ORC1: variants seen among roughly 807,000 people sequenced by gnomAD.
The protein encoded by ORC1 is origin recognition complex, subunit 1 homolog.
A neutral mutation model predicts 98.9 loss-of-function variants in ORC1; 61 were observed. The observed-to-expected ratio is 0.62, with a 90% confidence interval of 0.50 to 0.76. The LOEUF is 0.76. Ranked by LOEUF, ORC1 falls within the 30% of genes least tolerant of loss-of-function variation. The pLI is 0.00. For missense variants in ORC1, 979 were observed against 1,072.2 expected, an observed-to-expected ratio of 0.91 and a Z score of 1.21; for synonymous variants, 385 against 406.9, an observed-to-expected ratio of 0.95 and a Z score of 0.65.
At chr1:52,392,752 T>G (rs1289497457) in intron 6 of ORC1, among the ~76,000 whole-genome samples, 1 of 152,218 alleles carries the variant, frequency 6.6e-6, no homozygotes, top group Non-Finnish European at 1.5e-5. Flanking sequence ...ATAATGGCAC[T>G]TCCAGCAACT....
At chr1:52,406,842 GATTA>G (rs780345601), upstream of ORC1, among the ~76,000 whole-genome samples, 9 of 152,276 alleles carry the variant, frequency 5.9e-5, no homozygotes, top group East Asian at 1.2e-3. Flanking sequence ...GAGGCACAGA[GATTA>G]ATTAATTTTG....
upstream of ORC1, chr1:52,404,881 T>C (rs1353928005): frequency 6.2e-7 from 1 of 1,613,422 alleles, no homozygotes; most frequent in Admixed American, 1.7e-5. Context: ...GACTTACAGG[T>C]AAGTGGAAGC....
intron 5 of ORC1, among the ~76,000 whole-genome samples, chr1:52,395,369 A>G (rs997638494): frequency 2.6e-5 from 4 of 152,264 alleles, no homozygotes; most frequent in Admixed American, 1.3e-4. Context: ...CAATTAATTA[A>G]CATATAGAAG....
Position 52,402,208 on chromosome 1 carries a change from T to TG in ORC1, c.15dup (p.Thr6HisfsTer27), listed in dbSNP as rs1167687787. 3 of 1,614,038 alleles carry TG rather than the reference T, an allele frequency of 1.9e-6. No individual in the cohort carries two copies. Among genetic ancestry groups the TG allele is most frequent in the Non-Finnish European group, 2.5e-6 (3 of 1,180,002 alleles). ...TAAGTTTTTCTGGTCTTCAGCCTTGTGGGGTAGTGTGCCATGGCTTCTGTG... is the reference window on the plus strand; with the variant it reads ...TAAGTTTTTCTGGTCTTCAGCCTTGTGGGGGTAGTGTGCCATGGCTTCTGTG... On this transcript the variant is annotated frameshift_variant, in exon 2 of 17. Transcript: ENST00000371568. LOFTEE classifies it high-confidence loss of function.
intron 16 of ORC1, among the ~76,000 whole-genome samples, 163 bp from the exon 17 acceptor site, chr1:52,373,538 C>G (rs1010937125): frequency 1.3e-5 from 2 of 152,158 alleles, no homozygotes. Flanking sequence ...AATGCAGAGG[C>G]AGAATGGAAT....
intron 6 of ORC1, among the ~76,000 whole-genome samples, chr1:52,389,800 A>G (rs1298605799): frequency 1.3e-5 from 2 of 152,266 alleles, no homozygotes; most frequent in African/African-American, 2.4e-5. Flanking sequence ...TTTGTACAGC[A>G]AAGTTTGTTC....
chr1:52,385,952 G>T lies in ORC1; in HGVS notation c.1384-3C>A. 1 of 1,610,672 alleles carries T rather than the reference G, an allele frequency of 6.2e-7. No homozygotes were observed. Among genetic ancestry groups the T allele is most frequent in the Non-Finnish European group, 8.5e-7 (1 of 1,177,626 alleles). ...CAACGTGGCGTTCTAGGCTTGAGCT[G>T]TATTGAAAACAAAGAACATATTTCA... On this transcript the variant is annotated splice_polypyrimidine_tract_variant and splice_region_variant and intron_variant, in intron 8 of 16. Transcript: ENST00000371568.
intron 16 of ORC1, 120 bp downstream of exon 16, chr1:52,374,690 G>C: frequency 1.4e-6 from 1 of 734,918 alleles, no homozygotes; most frequent in Non-Finnish European, 2.5e-6. Flanking sequence ...TGCCGGTCTG[G>C]TATTCTTTCA....
intron 14 of ORC1, among the ~76,000 whole-genome samples, chr1:52,380,873 T>C (rs1310212333): frequency 6.6e-6 from 1 of 152,148 alleles, no homozygotes; most frequent in African/African-American, 2.4e-5. Context: ...GGCACACAAT[T>C]GGCTCACCTC....
chr1:52,406,342 T>G (rs925675015), upstream of ORC1, among the ~76,000 whole-genome samples: 1 of 152,196 alleles, frequency 6.6e-6, no homozygotes, highest in Admixed American at 6.5e-5. Flanking sequence ...CTTTACTTTC[T>G]CAGTTTTGGT....
At position 52,393,704 on chromosome 1, in the gene ORC1, G is replaced by T; in HGVS notation, c.821C>A (p.Pro274His). 1.2e-6 allele frequency: 2 copies of T among 1,614,054 alleles called. No homozygotes were observed. Among genetic ancestry groups the T allele is most frequent in the Non-Finnish European group, 1.7e-6 (2 of 1,179,990 alleles). The stretch of plus-strand genomic sequence containing the variant: ...TTTATCAGGCTGAGATCTCTTAGAA[G>T]GTGAGGTGATCTCCGAGAAGGCCAC... ...RKVAFSEITS[P>H]SKRSQPDKLQ... The change falls in exon 6 of 17, where the codon CCT becomes CAT. Residue 274 changes from proline to histidine, a missense_variant. Transcript: ENST00000371568.
chr1:52,384,709 G>C lies in ORC1; in HGVS notation c.1596C>G (p.Ile532Met). The change falls in exon 11 of 17, where the codon ATC becomes ATG. Residue 532 changes from isoleucine to methionine, a missense_variant. Ile to Met is a conservative substitution (Grantham distance 10, BLOSUM62 1). Transcript: ENST00000371568. ...LLDHTGGCMY[I>M]SGVPGTGKTA... ...TCTTCCCTGTCCCAGGGACACCGGAGATGTACATGCACCTAGAGCAAGAGA... is the reference window on the plus strand; with the variant it reads ...TCTTCCCTGTCCCAGGGACACCGGACATGTACATGCACCTAGAGCAAGAGA... 1 of 1,613,694 alleles carries C rather than the reference G, an allele frequency of 6.2e-7. No homozygotes were observed. Among genetic ancestry groups the C allele is most frequent in the Non-Finnish European group, 8.5e-7 (1 of 1,179,908 alleles).
Position 52,373,044 on chromosome 1 carries a change from G to A in ORC1, c.*137C>T. On this transcript the variant is annotated 3_prime_UTR_variant, in exon 17 of 17. Coordinates refer to ENST00000371568, the MANE Select transcript of ORC1 (RefSeq NM_004153.4). ...CCACCTGGGAGGATGAGGTTGGGGGGTCACCTAAGCCTGAGAAGTCAAGGC... is the reference window on the plus strand; with the variant it reads ...CCACCTGGGAGGATGAGGTTGGGGGATCACCTAAGCCTGAGAAGTCAAGGC... 4.4e-6 allele frequency: 4 copies of A among 907,422 alleles called. No individual in the cohort carries two copies. Among genetic ancestry groups the A allele is most frequent in the Non-Finnish European group, 7.3e-6 (4 of 546,932 alleles). 56.2% of individuals were successfully genotyped at this position (907,422 alleles called of 1,614,324 possible).
intron 5 of ORC1, among the ~76,000 whole-genome samples, 154 bp from the exon 6 acceptor site, chr1:52,393,957 C>T (rs189461128): frequency 6.6e-6 from 1 of 152,286 alleles, no homozygotes; most frequent in East Asian, 1.9e-4. Context: ...GCCCAGGTAG[C>T]TCTAATAATT....
chr1:52,385,073 G>A, intron 10 of ORC1, 88 bp downstream of exon 10: 1 of 868,886 alleles, frequency 1.2e-6, no homozygotes, highest in Non-Finnish European at 2.0e-6. Flanking sequence ...ACTGGAGAAA[G>A]CCTGTATGGC....
At chr1:52,395,889 G>C (rs147078453) in intron 5 of ORC1, among the ~76,000 whole-genome samples, 157 bp downstream of exon 5, 1 of 152,208 alleles carries the variant, frequency 6.6e-6, no homozygotes, top group African/African-American at 2.4e-5. Flanking sequence ...CAGCTACTGG[G>C]GAGGCTGAGG....
At chr1:52,404,524 G>A (rs948396691), upstream of ORC1, 19 of 482,456 alleles carry the variant, frequency 3.9e-5, no homozygotes, top group East Asian at 6.9e-4. Flanking sequence ...ACACCTAAGA[G>A]GGGCGCATGA....
intron 9 of ORC1, 143 bp downstream of exon 9, chr1:52,385,709 T>C: frequency 1.4e-6 from 1 of 720,184 alleles, no homozygotes; most frequent in Admixed American, 2.1e-5. Context: ...AAACATACAC[T>C]CACTTTACCT....
intron 14 of ORC1, among the ~76,000 whole-genome samples, chr1:52,380,196 A>G (rs1437574404): frequency 6.6e-6 from 1 of 152,188 alleles, no homozygotes; most frequent in Non-Finnish European, 1.5e-5. Flanking sequence ...AGACAGTGAT[A>G]CTGGCCCACT....
Sources: allele counts gnomAD v4.1 joint callset (sites outside exome capture counted in the v4.1 genomes callset), GRCh38; gene constraint gnomAD v4.1.1; transcripts MANE v1.5; gene names NCBI Gene and HGNC (gene_info 2026-07-23, HGNC 2026-07-21).